The following AHI1 variants were observed in gnomAD, a reference collection of about 807,000 sequenced individuals.
AHI1 encodes the protein Abelson helper integration site 1.
In AHI1, 123 loss-of-function variants were observed where a neutral mutation model predicts 149.3. The observed-to-expected ratio is 0.82, with a 90% CI of 0.71 to 0.96. The LOEUF is 0.96. Ranked by LOEUF, AHI1 falls within the 40% of genes least tolerant of loss-of-function variation. The pLI is 0.00. For missense variants in AHI1, 1,439 were observed against 1,422.7 expected (o/e 1.01, Z -0.18); for synonymous variants, 475 against 459.8 (o/e 1.03, Z -0.42).
At chr6:135,337,791 G>C (rs943864882) in intron 24 of AHI1, among the ~76,000 whole-genome samples, 1 of 146,660 alleles carries the variant, frequency 6.8e-6, no homozygotes, top group African/African-American at 2.5e-5. Flanking sequence ...AAAAAAGGCT[G>C]TGAAGAAATC....
chr6:135,454,094 T>C (rs1253924145), intron 10 of AHI1, among the ~76,000 whole-genome samples: 1 of 152,182 alleles, frequency 6.6e-6, no homozygotes, highest in Non-Finnish European at 1.5e-5. Context: ...TCTGTGCTTT[T>C]TGGATACCTA....
At chr6:135,393,736 T>C (rs1474643759) in intron 23 of AHI1, among the ~76,000 whole-genome samples, 1 of 152,148 alleles carries the variant, frequency 6.6e-6, no homozygotes, top group East Asian at 1.9e-4. Context: ...GTTTACAATA[T>C]AAATATGTTA....
chr6:135,475,293 T>G (rs999212376), intron 5 of AHI1, among the ~76,000 whole-genome samples: 1 of 152,224 alleles, frequency 6.6e-6, no homozygotes, highest in Non-Finnish European at 1.5e-5. Context: ...CTTCTTTCCT[T>G]GTTTCCCAAT....
intron 5 of AHI1, among the ~76,000 whole-genome samples, chr6:135,482,894 C>CTTTTTTTTTTTTTTT (rs761997683): frequency 0.31 from 17,245 of 55,314 alleles, 7,533 homozygotes; most frequent in South Asian, 0.39. Flanking sequence ...CCATTTAAGG[C>CTTTTTTTTTTTTTTT]TTTTTTTTTT....
intron 21 of AHI1, among the ~76,000 whole-genome samples, chr6:135,410,314 G>A (rs1027314620): frequency 9.9e-5 from 15 of 152,264 alleles, no homozygotes; most frequent in African/African-American, 3.6e-4. Context: ...AGACTGCAGT[G>A]AGCAATGATC....
At chr6:135,299,665 A>G (rs1783603438) in intron 27 of AHI1, among the ~76,000 whole-genome samples, 1 of 152,212 alleles carries the variant, frequency 6.6e-6, no homozygotes. Context: ...TTGAGGCAAA[A>G]GAGTGACTTT....
chr6:135,487,312 G>A (rs1417046747), intron 5 of AHI1, among the ~76,000 whole-genome samples: 1 of 151,778 alleles, frequency 6.6e-6, no homozygotes, highest in African/African-American at 2.4e-5. Context: ...TATACGCTAG[G>A]GACAAGAGTA....
intron 16 of AHI1, among the ~76,000 whole-genome samples, chr6:135,432,690 T>C (rs1784836764): frequency 6.6e-6 from 1 of 152,148 alleles, no homozygotes; most frequent in Non-Finnish European, 1.5e-5. Flanking sequence ...CTTTAAATAA[T>C]TGCAAATTTC....
chr6:135,437,593 C>T (rs1247355586), intron 15 of AHI1, among the ~76,000 whole-genome samples: 1 of 152,222 alleles, frequency 6.6e-6, no homozygotes, highest in South Asian at 2.1e-4. Flanking sequence ...GGTCTGAACA[C>T]TAAAAGTAAC....
chr6:135,327,008 G>A (rs75032233), intron 24 of AHI1, among the ~76,000 whole-genome samples: 2,516 of 152,132 alleles, frequency 0.017, 65 homozygotes, highest in African/African-American at 0.057. Flanking sequence ...TTTTTTGTTC[G>A]TGAGTTACTT....
intron 24 of AHI1, among the ~76,000 whole-genome samples, chr6:135,355,856 G>A (rs760295990): frequency 3.9e-5 from 6 of 152,118 alleles, no homozygotes; most frequent in Non-Finnish European, 5.9e-5. Context: ...CTGAGATTGC[G>A]CCACGGCACT....
At chr6:135,322,437 C>G (rs1039526567) in intron 25 of AHI1, among the ~76,000 whole-genome samples, 3 of 151,978 alleles carry the variant, frequency 2.0e-5, no homozygotes, top group African/African-American at 7.2e-5. Context: ...GGTGAATCTA[C>G]AGCTTTCAGA....
At chr6:135,396,392 C>T (rs572633790) in intron 22 of AHI1, among the ~76,000 whole-genome samples, 2 of 151,632 alleles carry the variant, frequency 1.3e-5, no homozygotes, top group Admixed American at 1.3e-4. Flanking sequence ...TGCGAATGTG[C>T]CAGGAAAGCA....
chr6:135,366,365 C>A (rs184743770), intron 23 of AHI1, among the ~76,000 whole-genome samples: 1 of 152,146 alleles, frequency 6.6e-6, no homozygotes, highest in African/African-American at 2.4e-5. Flanking sequence ...GGATTGGTAA[C>A]AATTCTTCTT....
chr6:135,348,224 G>T (rs1311890841), intron 24 of AHI1, among the ~76,000 whole-genome samples: 1 of 152,156 alleles, frequency 6.6e-6, no homozygotes, highest in Non-Finnish European at 1.5e-5. Context: ...GTCCATCTAG[G>T]CAGGAAAACC....
intron 24 of AHI1, among the ~76,000 whole-genome samples, chr6:135,323,592 A>G (rs937531097): frequency 6.6e-6 from 1 of 152,192 alleles, no homozygotes; most frequent in African/African-American, 2.4e-5. Flanking sequence ...TTTTTAAAGT[A>G]AATTACTTGT....
intron 8 of AHI1, 33 bp downstream of exon 8, chr6:135,463,092 T>C (rs1790172265): frequency 1.3e-6 from 2 of 1,525,734 alleles, no homozygotes; most frequent in Non-Finnish European, 8.8e-7. Context: ...TCTACCAACA[T>C]ACACAATTTT....
At chr6:135,341,963 C>T (rs1174102248) in intron 24 of AHI1, among the ~76,000 whole-genome samples, 1 of 151,436 alleles carries the variant, frequency 6.6e-6, no homozygotes, top group African/African-American at 2.4e-5. Context: ...ATAAATAAAA[C>T]AACAAATAGA....
intron 23 of AHI1, among the ~76,000 whole-genome samples, chr6:135,361,810 T>G (rs1185083102): frequency 2.6e-5 from 4 of 152,164 alleles, no homozygotes; most frequent in Non-Finnish European, 5.9e-5. Context: ...ATCTTTGGAT[T>G]TTGCTAAGCT....
Sources: allele counts gnomAD v4.1 joint callset (sites outside exome capture counted in the v4.1 genomes callset), GRCh38; gene constraint gnomAD v4.1.1; transcripts MANE v1.5; gene names NCBI Gene and HGNC (gene_info 2026-07-23, HGNC 2026-07-21).